The following RNASE10 variants were observed in gnomAD, a reference collection of about 807,000 sequenced individuals.
RNASE10 encodes the protein ribonuclease A family member 10 (inactive), also known as inactive ribonuclease-like protein 10.
RNASE10 carries 2 observed loss-of-function variants against 1.1 expected under a neutral mutation model. That is an observed-to-expected ratio of 1.82 (90% CI 0.74 to 5.73). The LOEUF is 5.73. Ranked by LOEUF, RNASE10 falls within the 30% of genes most tolerant of loss-of-function variation. The pLI, the probability that RNASE10 is intolerant of heterozygous loss-of-function variation, is 0.05. For missense variants in RNASE10, 276 were observed against 263.4 expected (o/e 1.05, Z -0.33); for synonymous variants, 97 against 96.2 (o/e 1.01, Z -0.05).
rs1555335563 is a variant in RNASE10 at position 20,506,184 on chromosome 14, G to GT, written c.79+165_79+166insT. The stretch of plus-strand genomic sequence containing the variant: ...AGCCACCCCGTCCGGGAGGGAGGTG[G>GT]GGGGGGGTCAGCCCCCCGCCCGGCC... On this transcript the variant is annotated intron_variant, in intron 1 of 1. Coordinates refer to ENST00000430083, the Ensembl canonical transcript of RNASE10. 5.1e-5 allele frequency among the ~76,000 whole-genome samples: 7 copies of GT among 137,872 alleles called. No individual in the cohort carries two copies. The East Asian group carries it at 7.1e-4, about 14-fold the overall frequency. 90.4% of individuals were successfully genotyped at this position (137,872 alleles called of 152,430 possible).
At chr14:20,512,194 C>T (rs111361658), downstream of RNASE10, among the ~76,000 whole-genome samples, 29 of 152,236 alleles carry the variant, frequency 1.9e-4, 2 homozygotes, top group East Asian at 5.8e-4. Context: ...GCATCGTTTC[C>T]GCTTTATTGC....
chr14:20,513,203 C>CTTTTG (rs201161828), downstream of RNASE10, among the ~76,000 whole-genome samples: 13 of 152,018 alleles, frequency 8.6e-5, no homozygotes, highest in South Asian at 2.1e-4. Context: ...TCATGTTTTT[C>CTTTTG]TTTTGTTTTG....
chr14:20,506,936 G>C (rs1439620914), intron 1 of RNASE10, among the ~76,000 whole-genome samples: 8 of 132,128 alleles, frequency 6.1e-5, no homozygotes, highest in South Asian at 5.1e-4. Context: ...TCCGGGAGGG[G>C]GGAGGGGGGG....
exon 2 of RNASE10, chr14:20,510,863 G>A (rs2067648): frequency 0.028 from 45,750 of 1,614,088 alleles, 991 homozygotes; most frequent in African/African-American, 0.097. Context: ...AAGGAGCCCA[G>A]TCAGAGTTGC....
chr14:20,510,870 T>C, exon 2 of RNASE10: 1 of 1,613,830 alleles, frequency 6.2e-7, no homozygotes, highest in Non-Finnish European at 8.5e-7. Flanking sequence ...CCAGTCAGAG[T>C]TGCATAGCCC....
chr14:20,510,935 C>G, exon 2 of RNASE10: 1 of 1,610,178 alleles, frequency 6.2e-7, no homozygotes, highest in Middle Eastern at 1.7e-4. Flanking sequence ...TGTAACAGTC[C>G]TGTCATTGCC....
upstream of RNASE10, among the ~76,000 whole-genome samples, chr14:20,504,563 C>T (rs1335120758): frequency 1.3e-5 from 2 of 150,556 alleles, no homozygotes; most frequent in Non-Finnish European, 3.0e-5. Flanking sequence ...TGGCGGGCGC[C>T]TGTAGTCCCA....
intron 1 of RNASE10, among the ~76,000 whole-genome samples, chr14:20,508,387 A>G (rs978843619): frequency 6.6e-6 from 1 of 152,178 alleles, no homozygotes; most frequent in Non-Finnish European, 1.5e-5. Flanking sequence ...GAGTAATGTG[A>G]TGAAATCTCT....
chr14:20,507,481 G>T (rs951012251), intron 1 of RNASE10, among the ~76,000 whole-genome samples: 3 of 136,364 alleles, frequency 2.2e-5, no homozygotes, highest in African/African-American at 8.7e-5. Flanking sequence ...CACTGCGGAA[G>T]GCTGCAGGGT....
chr14:20,512,266 A>G (rs1248176140), downstream of RNASE10, among the ~76,000 whole-genome samples: 1 of 152,196 alleles, frequency 6.6e-6, no homozygotes, highest in Non-Finnish European at 1.5e-5. Flanking sequence ...AAACTTAATC[A>G]AGGAGAAGAG....
chr14:20,504,497 C>T (rs1016656892), upstream of RNASE10, among the ~76,000 whole-genome samples: 7 of 151,704 alleles, frequency 4.6e-5, no homozygotes, highest in East Asian at 3.9e-4. Context: ...ACCATTCTGG[C>T]TAACACGGTG....
At chr14:20,507,361 A>G (rs1413337293) in intron 1 of RNASE10, among the ~76,000 whole-genome samples, 2 of 132,938 alleles carry the variant, frequency 1.5e-5, no homozygotes, top group Non-Finnish European at 1.6e-5. Flanking sequence ...ACTCAGGGTT[A>G]AATGGATTAA....
At chr14:20,511,970 T>C (rs140111008), downstream of RNASE10, among the ~76,000 whole-genome samples, 515 of 152,124 alleles carry the variant, frequency 3.4e-3, 3 homozygotes, top group African/African-American at 0.012. Flanking sequence ...TAGTCAGTCA[T>C]GCAAGCAGAT....
upstream of RNASE10, among the ~76,000 whole-genome samples, chr14:20,505,319 C>A (rs1323316497): frequency 2.3e-5 from 2 of 85,370 alleles, no homozygotes; most frequent in African/African-American, 5.4e-5. Flanking sequence ...TCTCCCTCTC[C>A]CTCTCCCTCC....
chr14:20,504,793 A>C (rs1464012059), upstream of RNASE10, among the ~76,000 whole-genome samples: 1 of 151,078 alleles, frequency 6.6e-6, no homozygotes, highest in Non-Finnish European at 1.5e-5. Context: ...TTACAGGGAA[A>C]GTAATGCACG....
exon 2 of RNASE10, chr14:20,510,685 A>C (rs1397092146): frequency 1.2e-6 from 2 of 1,614,118 alleles, no homozygotes; most frequent in African/African-American, 2.7e-5. Flanking sequence ...GGTGCTTAGC[A>C]ACAAAGAAGT....
At chr14:20,506,366 C>T (rs1234513853) in intron 1 of RNASE10, among the ~76,000 whole-genome samples, 23 of 121,142 alleles carry the variant, frequency 1.9e-4, no homozygotes, top group Middle Eastern at 7.0e-3. Context: ...GTGAGGGGCG[C>T]CTCTGCCCGG....
downstream of RNASE10, among the ~76,000 whole-genome samples, chr14:20,513,379 G>A (rs1882943571): frequency 6.6e-6 from 1 of 152,120 alleles, no homozygotes; most frequent in African/African-American, 2.4e-5. Context: ...CCTCCCAGGG[G>A]CAGAAAATTA....
chr14:20,510,743 T>G (rs941430177), exon 2 of RNASE10: 1 of 1,613,802 alleles, frequency 6.2e-7, no homozygotes, highest in Non-Finnish European at 8.5e-7. Flanking sequence ...GAAGATGAGG[T>G]TGGGGGTAAC....
Sources: allele counts gnomAD v4.1 joint callset (sites outside exome capture counted in the v4.1 genomes callset), GRCh38; gene constraint gnomAD v4.1.1; transcripts MANE v1.5; gene names NCBI Gene and HGNC (gene_info 2026-07-23, HGNC 2026-07-21).